Variants in RYR1 observed in about 807,000 individuals in gnomAD.
RYR1 encodes central core disease of muscle.
Under a neutral mutation model 583.5 loss-of-function variants are expected in RYR1, and 342 were observed. The observed-to-expected ratio is 0.59, with a 90% CI of 0.54 to 0.64. RYR1 has a LOEUF of 0.64. Ranked by LOEUF, RYR1 falls within the 30% of genes least tolerant of loss-of-function variation. The pLI is 0.00. For missense variants in RYR1, 6,032 were observed against 6,917.2 expected (o/e 0.87, Z 4.54); for synonymous variants, 2,791 against 2,822.5 (o/e 0.99, Z 0.35).
chr19:38,510,188 G>A (rs982096563), intron 58 of RYR1, among the ~76,000 whole-genome samples: 1 of 152,214 alleles, frequency 6.6e-6, no homozygotes, highest in East Asian at 1.9e-4. Context: ...TGGTGTGTGG[G>A]AGCATGTCTG....
intron 95 of RYR1, 47 bp downstream of exon 95, chr19:38,572,317 G>A (rs369947305): frequency 1.3e-6 from 2 of 1,543,090 alleles, no homozygotes; most frequent in East Asian, 2.4e-5. Flanking sequence ...TTGGCTGGGT[G>A]GGGGTGGGGG....
At chr19:38,541,316 A>T (rs551742159) in intron 84 of RYR1, among the ~76,000 whole-genome samples, 5 of 152,248 alleles carry the variant, frequency 3.3e-5, no homozygotes, top group Non-Finnish European at 7.3e-5. Flanking sequence ...TACAGGACAG[A>T]AAAGAACAGA....
At chr19:38,525,575 G>T in intron 71 of RYR1, 73 bp downstream of exon 71, 1 of 1,523,040 alleles carries the variant, frequency 6.6e-7, no homozygotes, top group Non-Finnish European at 9.0e-7. Flanking sequence ...GGGACCTTAG[G>T]GAACAACCAC....
intron 66 of RYR1, 98 bp from the exon 67 acceptor site, chr19:38,519,116 C>T: frequency 6.3e-7 from 1 of 1,597,878 alleles, no homozygotes; most frequent in South Asian, 1.1e-5. Flanking sequence ...ATGGCAGCTG[C>T]TAGGTTGGAG....
At chr19:38,442,771 CAGGA>C (rs1972756885) in intron 3 of RYR1, among the ~76,000 whole-genome samples, 1 of 152,140 alleles carries the variant, frequency 6.6e-6, no homozygotes, top group African/African-American at 2.4e-5. Context: ...ACAGGCCAGG[CAGGA>C]AGGAAGGAAG....
rs2145361684 is a variant in RYR1 at position 38,448,693 on chromosome 19, C to T, written c.1002C>T (p.Gly334=). 6.2e-7 allele frequency: 1 copy of T among 1,614,170 alleles called. No homozygotes were observed. Among genetic ancestry groups the T allele is most frequent in the South Asian group, 1.1e-5 (1 of 91,086 alleles). The part of the protein sequence containing the change: ...VAPKRDVEGM[G]PPEIKYGESL... ...CCAAGCGGGATGTGGAGGGCATGGG[C>T]CCCCCTGAGATCAAGTACGGGGAGT... is the stretch of plus-strand genomic sequence containing the variant. Residue 334 remains glycine, a synonymous_variant, in exon 11 of 106, where the codon GGC becomes GGT. Transcript: ENST00000359596.
chr19:38,566,729 CGAT>C (rs1012115703), intron 91 of RYR1, among the ~76,000 whole-genome samples, 179 bp from the exon 92 acceptor site: 4 of 152,034 alleles, frequency 2.6e-5, no homozygotes, highest in African/African-American at 7.2e-5. Context: ...GGCTTCACCT[CGAT>C]GAGCCTCAGT....
intron 60 of RYR1, 87 bp downstream of exon 60, chr19:38,510,868 G>A: frequency 6.3e-7 from 1 of 1,588,832 alleles, no homozygotes; most frequent in Non-Finnish European, 8.6e-7. Context: ...TGGGTGCTGG[G>A]TGTTGGGTAC....
chr19:38,443,883 C>A, intron 5 of RYR1, 87 bp downstream of exon 5: 1 of 1,231,436 alleles, frequency 8.1e-7, no homozygotes, highest in Non-Finnish European at 1.2e-6. Flanking sequence ...CCAAGGCAAG[C>A]ATGAGACTAC....
At chr19:38,556,759 A>G (rs1439312224) in intron 89 of RYR1, among the ~76,000 whole-genome samples, 4 of 152,142 alleles carry the variant, frequency 2.6e-5, no homozygotes, top group African/African-American at 9.7e-5. Context: ...ATCAGTGGAT[A>G]GTGCTGTCCT....
At chr19:38,492,700 C>T (rs901607787) in intron 38 of RYR1, 64 bp downstream of exon 38, 61 of 1,524,232 alleles carry the variant, frequency 4.0e-5, no homozygotes, top group Admixed American at 5.8e-5. Context: ...CCTGCGGAGC[C>T]TCTGGGTCCC....
chr19:38,544,265 T>G (rs1972331661), intron 87 of RYR1, among the ~76,000 whole-genome samples: 1 of 152,334 alleles, frequency 6.6e-6, no homozygotes, highest in African/African-American at 2.4e-5. Context: ...ATGTTTTGCT[T>G]CTTTATCTTA....
intron 78 of RYR1, among the ~76,000 whole-genome samples, chr19:38,534,073 G>A (rs979297814): frequency 6.7e-6 from 1 of 148,482 alleles, no homozygotes; most frequent in Admixed American, 6.8e-5. Context: ...GTGCAGTGGC[G>A]TGATCTCAGC....
Position 38,486,166 on chromosome 19 carries a change from G to T in RYR1, c.5511G>T (p.Gln1837His), listed in dbSNP as rs760341168. 12 of 1,612,946 alleles carry T rather than the reference G, an allele frequency of 7.4e-6. No individual in the cohort carries two copies. Among genetic ancestry groups the T allele is most frequent in the Non-Finnish European group, 1.0e-5 (12 of 1,179,960 alleles). Residue 1837 changes from glutamine to histidine, a missense_variant, in exon 34 of 106, where the codon CAG becomes CAT. Gln to His is a conservative substitution (Grantham distance 24). Coordinates refer to ENST00000359596, the MANE Select transcript of RYR1 (RefSeq NM_000540.3). Reference sequence around the variant, plus strand: ...CCGTCGGGGGCTCCGTGGAGTTCCAGTTTGTGCCTGTGCTCAAGCTCGTGT... The same window carrying T: ...CCGTCGGGGGCTCCGTGGAGTTCCATTTTGTGCCTGTGCTCAAGCTCGTGT... ...RDPVGGSVEF[Q>H]FVPVLKLVST...
chr19:38,503,561 T>C (rs938577423), intron 49 of RYR1, among the ~76,000 whole-genome samples: 7 of 152,042 alleles, frequency 4.6e-5, no homozygotes, highest in Non-Finnish European at 8.8e-5. Context: ...TCACTTGAGG[T>C]CAGGAGTTCG....
chr19:38,516,701 A>G (rs1164671235), intron 65 of RYR1, among the ~76,000 whole-genome samples: 1 of 152,128 alleles, frequency 6.6e-6, no homozygotes, highest in East Asian at 1.9e-4. Flanking sequence ...AAGAGGATTG[A>G]GGGAAGGCAG....
chr19:38,497,672 A>T (rs76462598), intron 42 of RYR1, among the ~76,000 whole-genome samples: 7,398 of 152,276 alleles, frequency 0.049, 220 homozygotes, highest in South Asian at 0.12. Flanking sequence ...TAGCAATATG[A>T]CAGTCAAAAA....
At chr19:38,554,990 C>T (rs1422409849) in intron 89 of RYR1, among the ~76,000 whole-genome samples, 1 of 152,082 alleles carries the variant, frequency 6.6e-6, no homozygotes, top group African/African-American at 2.4e-5. Flanking sequence ...ATGAAGCCAT[C>T]CCTGCAATCT....
At chr19:38,443,663 G>C in intron 4 of RYR1, 31 bp downstream of exon 4, 1 of 1,613,846 alleles carries the variant, frequency 6.2e-7, no homozygotes, top group Non-Finnish European at 8.5e-7. Context: ...CGTGGGCAGG[G>C]GCCAGGGCAT....
Sources: gnomAD v4.1 joint callset for allele counts (sites outside exome capture counted in the v4.1 genomes callset) on GRCh38, gnomAD v4.1.1 for gene constraint, MANE v1.5 for transcripts, NCBI Gene and HGNC (gene_info 2026-07-23, HGNC 2026-07-21) for gene names.